The following DPYD variants were observed in gnomAD, a reference collection of about 807,000 sequenced individuals.
DPYD encodes the protein dihydropyrimidine dehydrogenase [NADP(+)].
Under a neutral mutation model 116.2 loss-of-function variants are expected in DPYD, and 109 were observed. The ratio of observed to expected loss-of-function variants is 0.94; its 90% CI spans 0.80 to 1.10. The LOEUF (loss-of-function observed/expected upper bound fraction) is 1.10, where lower values mean the gene tolerates loss of function less well. DPYD is among the 50% of genes least tolerant of loss of function. The pLI, the probability that DPYD is intolerant of heterozygous loss-of-function variation, is 0.00. For synonymous variants in DPYD, 440 were observed against 432.0 expected, an observed-to-expected ratio of 1.02 and a Z score of -0.23; for missense variants, 1,302 against 1,254.5, an observed-to-expected ratio of 1.04 and a Z score of -0.57.
intron 8 of DPYD, among the ~76,000 whole-genome samples, chr1:97,666,449 C>G (rs1474066147): frequency 6.6e-6 from 1 of 152,084 alleles, no homozygotes; most frequent in African/African-American, 2.4e-5. Flanking sequence ...ATGAACTACC[C>G]TACCTGGCCC....
intron 14 of DPYD, among the ~76,000 whole-genome samples, chr1:97,403,764 A>AT (rs1282353699): frequency 6.6e-6 from 1 of 150,730 alleles, no homozygotes; most frequent in African/African-American, 2.4e-5. Context: ...GATTTTGTTG[A>AT]TTTTCTATAT....
chr1:97,502,802 A>G (rs1679664572), intron 13 of DPYD, among the ~76,000 whole-genome samples: 1 of 151,970 alleles, frequency 6.6e-6, no homozygotes, highest in African/African-American at 2.4e-5. Flanking sequence ...TATAACTTTT[A>G]TTGACAGGGT....
At chr1:97,288,786 C>T (rs1181812780) in intron 18 of DPYD, among the ~76,000 whole-genome samples, 1 of 150,946 alleles carries the variant, frequency 6.6e-6, no homozygotes, top group Non-Finnish European at 1.5e-5. Flanking sequence ...ACTAGAAAAG[C>T]AAGAGCAAAC....
At chr1:97,376,411 C>A (rs952786629) in intron 15 of DPYD, among the ~76,000 whole-genome samples, 4 of 152,040 alleles carry the variant, frequency 2.6e-5, no homozygotes, top group Non-Finnish European at 5.9e-5. Flanking sequence ...TATAATTTCC[C>A]CAACATTATA....
chr1:97,213,822 G>A (rs1037024355), intron 19 of DPYD, among the ~76,000 whole-genome samples: 7 of 151,924 alleles, frequency 4.6e-5, no homozygotes, highest in African/African-American at 9.7e-5. Context: ...ACTTGACTAC[G>A]TGGGTGATTA....
chr1:97,889,091 A>C (rs1221485575), intron 1 of DPYD, among the ~76,000 whole-genome samples: 1 of 152,126 alleles, frequency 6.6e-6, no homozygotes, highest in Non-Finnish European at 1.5e-5. Flanking sequence ...CCAGAGGTGG[A>C]GGTTACAATG....
chr1:97,191,059 CAT>C (rs1371187306), intron 20 of DPYD, among the ~76,000 whole-genome samples: 1 of 150,710 alleles, frequency 6.6e-6, no homozygotes, highest in Admixed American at 6.6e-5. Context: ...CACACACACA[CAT>C]ACACACACAT....
chr1:97,287,429 G>A (rs559085639), intron 18 of DPYD, among the ~76,000 whole-genome samples: 22 of 152,270 alleles, frequency 1.4e-4, no homozygotes, highest in East Asian at 5.8e-4. Context: ...CTCCAGCTGC[G>A]TGCTGGGAGA....
chr1:97,412,689 T>C (rs1261190967), intron 14 of DPYD, among the ~76,000 whole-genome samples: 1 of 152,178 alleles, frequency 6.6e-6, no homozygotes, highest in African/African-American at 2.4e-5. Context: ...ATGCATCCTG[T>C]TTTGAGAGTT....
At chr1:97,508,155 G>A (rs1035967646) in intron 13 of DPYD, among the ~76,000 whole-genome samples, 2 of 151,992 alleles carry the variant, frequency 1.3e-5, no homozygotes, top group Non-Finnish European at 2.9e-5. Flanking sequence ...CAAGAGCATG[G>A]CAATTTCATA....
At chr1:97,627,884 C>A (rs1337197212) in intron 8 of DPYD, among the ~76,000 whole-genome samples, 1 of 151,778 alleles carries the variant, frequency 6.6e-6, no homozygotes, top group Non-Finnish European at 1.5e-5. Flanking sequence ...CTATTAGGTT[C>A]AGGAAGGCAA....
At chr1:97,681,066 A>T (rs1265578937) in intron 7 of DPYD, among the ~76,000 whole-genome samples, 4 of 152,144 alleles carry the variant, frequency 2.6e-5, no homozygotes, top group African/African-American at 7.2e-5. Flanking sequence ...CTAAGTGTAA[A>T]GCTCTCTTCT....
At chr1:97,183,018 G>A (rs142385085) in intron 20 of DPYD, among the ~76,000 whole-genome samples, 124 of 152,192 alleles carry the variant, frequency 8.1e-4, no homozygotes, top group Middle Eastern at 6.8e-3. Flanking sequence ...CTTTTGATGA[G>A]TATGTTAATT....
chr1:97,279,563 T>G (rs1665170667), intron 18 of DPYD, among the ~76,000 whole-genome samples: 1 of 152,150 alleles, frequency 6.6e-6, no homozygotes, highest in African/African-American at 2.4e-5. Flanking sequence ...CAGGCTGGAG[T>G]GCAGTGGTGC....
At chr1:97,871,797 C>T (rs927396217) in intron 2 of DPYD, among the ~76,000 whole-genome samples, 1 of 151,744 alleles carries the variant, frequency 6.6e-6, no homozygotes, top group African/African-American at 2.4e-5. Context: ...CATGGTTTTT[C>T]CATATACATT....
intron 18 of DPYD, among the ~76,000 whole-genome samples, chr1:97,286,600 T>C (rs1442509542): frequency 1.3e-5 from 2 of 152,210 alleles, no homozygotes; most frequent in African/African-American, 4.8e-5. Context: ...CCCATATTTC[T>C]TGGAGGCTTT....
At chr1:97,661,201 C>G (rs1659236027) in intron 8 of DPYD, among the ~76,000 whole-genome samples, 1 of 152,138 alleles carries the variant, frequency 6.6e-6, no homozygotes, top group Non-Finnish European at 1.5e-5. Context: ...TGTAGGTATA[C>G]ATATTAGAGT....
At chr1:97,358,515 T>C (rs750443782) in intron 16 of DPYD, among the ~76,000 whole-genome samples, 3 of 152,164 alleles carry the variant, frequency 2.0e-5, no homozygotes, top group Admixed American at 6.5e-5. Context: ...GGGCCCCTGA[T>C]GCCCGTGTAG....
At chr1:97,887,469 T>TAAAAAAAAAAAAAAAAAAAAA (rs57316508) in intron 1 of DPYD, among the ~76,000 whole-genome samples, 27 of 47,140 alleles carry the variant, frequency 5.7e-4, no homozygotes, top group South Asian at 9.8e-4. Context: ...GACTCTGCAT[T>TAAAAAAAAAAAAAAAAAAAAA]AAAAAAAAAA....
Sources: allele counts gnomAD v4.1 joint callset (sites outside exome capture counted in the v4.1 genomes callset), GRCh38; gene constraint gnomAD v4.1.1; transcripts MANE v1.5; gene names NCBI Gene and HGNC (gene_info 2026-07-23, HGNC 2026-07-21).